KCNH7: variants seen among roughly 807,000 people sequenced by gnomAD.
KCNH7 encodes the protein potassium voltage-gated channel subfamily H member 7.
In KCNH7, 49 loss-of-function variants were observed where a neutral mutation model predicts 120.8. The ratio of observed to expected loss-of-function variants is 0.41; its 90% CI spans 0.32 to 0.51. The LOEUF is 0.51. Ranked by LOEUF, KCNH7 falls within the 20% of genes least tolerant of loss-of-function variation. The pLI, the probability that KCNH7 is intolerant of heterozygous loss-of-function variation, is 0.38. For missense variants in KCNH7, 1,097 were observed against 1,446.6 expected (o/e 0.76, Z 3.92); for synonymous variants, 547 against 516.1 (o/e 1.06, Z -0.81).
In KCNH7 at chr2:162,727,538, C is replaced by G. The variant is rs572201792; in HGVS notation, c.307+108999G>C. On this transcript the variant is annotated intron_variant, in intron 2 of 15. Coordinates refer to ENST00000332142, the MANE Select transcript of KCNH7 (RefSeq NM_033272.4). ...CGTTCATTGATGTACTTTGTTACTACAGTTTTACTTTTTAAAGAATTCCAT... is the reference window on the plus strand; with the variant it reads ...CGTTCATTGATGTACTTTGTTACTAGAGTTTTACTTTTTAAAGAATTCCAT... 2.1e-4 allele frequency among the ~76,000 whole-genome samples: 32 copies of G among 152,234 alleles called. No homozygotes were observed. The East Asian group carries it at 5.8e-3, about 28-fold the overall frequency.
intron 6 of KCNH7, among the ~76,000 whole-genome samples, chr2:162,470,301 G>T (rs1428832651): frequency 8.6e-5 from 13 of 151,694 alleles, no homozygotes; most frequent in Admixed American, 6.6e-4. Context: ...GAGATGTGGG[G>T]AGCGCCTCTG....
intron 2 of KCNH7, among the ~76,000 whole-genome samples, chr2:162,548,211 T>C (rs986961130): frequency 9.9e-5 from 15 of 152,208 alleles, no homozygotes; most frequent in Non-Finnish European, 1.2e-4. Flanking sequence ...TTTAGCATTG[T>C]CCAGCTTTAG....
chr2:162,620,733 G>A (rs1323909196), intron 2 of KCNH7, among the ~76,000 whole-genome samples: 1 of 152,044 alleles, frequency 6.6e-6, no homozygotes, highest in Non-Finnish European at 1.5e-5. Context: ...GTCAGTTCAG[G>A]TAGATAGAAA....
rs138739442 is a variant in KCNH7 at position 162,828,055 on chromosome 2, C to T, written c.307+8482G>A. Among the ~76,000 whole-genome samples, 30 of 152,124 alleles carry T rather than the reference C, an allele frequency of 2.0e-4. No homozygotes were observed. In the East Asian group the frequency reaches 5.4e-3, roughly 27 times the overall value. ...TGTACGGCTAAAGATCAAATGATTA[C>T]TATTATTATTAAAGAAAACAGATAG... On this transcript the variant is annotated intron_variant, in intron 2 of 15. Transcript: ENST00000332142.
chr2:162,558,273 C>G (rs1692929865), intron 2 of KCNH7, among the ~76,000 whole-genome samples: 1 of 151,658 alleles, frequency 6.6e-6, no homozygotes, highest in Admixed American at 6.6e-5. Flanking sequence ...CTCCTGGGTT[C>G]ACGCCATTCT....
rs66809770 is a variant in KCNH7, at chr2:162,820,033, C to CTTTTTT, written c.307+16498_307+16503dup. 2.4e-3 allele frequency among the ~76,000 whole-genome samples: 188 copies of CTTTTTT among 77,028 alleles called. 4 individuals carry two copies. Among genetic ancestry groups the CTTTTTT allele is most frequent in the Middle Eastern group, 0.01 (1 of 98 alleles). 50.5% of individuals were successfully genotyped at this position (77,028 alleles called of 152,430 possible). On this transcript the variant is annotated intron_variant, in intron 2 of 15. Coordinates refer to ENST00000332142, the MANE Select transcript of KCNH7 (RefSeq NM_033272.4). ...TTCGGGTATTTCTTTATTCCATAAA[C>CTTTTTT]TTTTTTTTTTTTTTTTTTTTTTTTG...
chr2:162,439,334 A>G (rs1429341167), intron 7 of KCNH7, among the ~76,000 whole-genome samples: 5 of 152,240 alleles, frequency 3.3e-5, no homozygotes, highest in African/African-American at 1.2e-4. Context: ...AGATGGCAAA[A>G]TGTGGTTATT....
chr2:162,621,431 A>T (rs187418771), intron 2 of KCNH7, among the ~76,000 whole-genome samples: 5 of 151,928 alleles, frequency 3.3e-5, no homozygotes, highest in African/African-American at 7.2e-5. Flanking sequence ...CCTGTGTTCC[A>T]ACATGGGGAA....
intron 6 of KCNH7, among the ~76,000 whole-genome samples, chr2:162,463,541 A>G (rs540260810): frequency 1.3e-5 from 2 of 152,084 alleles, no homozygotes; most frequent in South Asian, 4.1e-4. Context: ...AAACGACCCC[A>G]CATGCATTGC....
intron 2 of KCNH7, among the ~76,000 whole-genome samples, chr2:162,765,026 T>C (rs1682733007): frequency 6.6e-6 from 1 of 152,122 alleles, no homozygotes; most frequent in Non-Finnish European, 1.5e-5. Flanking sequence ...GACATGAATA[T>C]CTACACTGAC....
At chr2:162,492,529 A>C (rs1469517375) in intron 6 of KCNH7, among the ~76,000 whole-genome samples, 1 of 152,190 alleles carries the variant, frequency 6.6e-6, no homozygotes, top group Non-Finnish European at 1.5e-5. Context: ...CCCCTCCATG[A>C]ACAACTTCTA....
chr2:162,637,654 G>T (rs1003732506), intron 2 of KCNH7, among the ~76,000 whole-genome samples: 1 of 151,934 alleles, frequency 6.6e-6, no homozygotes, highest in African/African-American at 2.4e-5. Context: ...GCTTGATTTA[G>T]TCATTCCATG....
At chr2:162,760,909 C>T (rs1305683338) in intron 2 of KCNH7, among the ~76,000 whole-genome samples, 1 of 152,106 alleles carries the variant, frequency 6.6e-6, no homozygotes, top group Non-Finnish European at 1.5e-5. Flanking sequence ...TATTCTTTCA[C>T]TTATGAACAA....
At chr2:162,566,563 A>G (rs1452685994) in intron 2 of KCNH7, among the ~76,000 whole-genome samples, 1 of 152,108 alleles carries the variant, frequency 6.6e-6, no homozygotes, top group Non-Finnish European at 1.5e-5. Flanking sequence ...CATCTCATGT[A>G]GACAACATTT....
At position 162,752,922 on chromosome 2, in the gene KCNH7, A is replaced by T. The variant is rs1419524668; in HGVS notation, c.307+83615T>A. ...TCTCAGAAAAAGAAAAGAAAAGAAA[A>T]GAAAAGAAAAGAAAAGAAAAGAAAA... On this transcript the variant is annotated intron_variant, in intron 2 of 15. Transcript: ENST00000332142. 1.3e-3 allele frequency among the ~76,000 whole-genome samples: 90 copies of T among 69,408 alleles called. 1 individual carries two copies. The highest frequency in any genetic ancestry group is 1.6e-3 in the African/African-American group (18 of 10,970). 45.5% of individuals were successfully genotyped at this position (69,408 alleles called of 152,430 possible).
chr2:162,820,143 C>T (rs963402404), intron 2 of KCNH7, among the ~76,000 whole-genome samples: 1 of 148,560 alleles, frequency 6.7e-6, no homozygotes, highest in Non-Finnish European at 1.5e-5. Context: ...GGGTTCACGC[C>T]ATTCTCCTGC....
intron 2 of KCNH7, among the ~76,000 whole-genome samples, chr2:162,815,837 T>C (rs1346848445): frequency 6.6e-6 from 1 of 152,208 alleles, no homozygotes; most frequent in Admixed American, 6.5e-5. Flanking sequence ...AGTTCTGACA[T>C]CTAAATTTCA....
At chr2:162,722,891 A>C (rs982558053) in intron 2 of KCNH7, among the ~76,000 whole-genome samples, 3 of 117,602 alleles carry the variant, frequency 2.6e-5, no homozygotes, top group African/African-American at 1.1e-4. Flanking sequence ...TTTTTAACCT[A>C]ATCTAGTCTG....
At chr2:162,502,952 T>C (rs1317634711) in intron 6 of KCNH7, among the ~76,000 whole-genome samples, 5 of 152,090 alleles carry the variant, frequency 3.3e-5, no homozygotes, top group Non-Finnish European at 7.4e-5. Context: ...TTGTCAACTT[T>C]AAGAAATAAA....
Sources: allele counts gnomAD v4.1 joint callset (sites outside exome capture counted in the v4.1 genomes callset), GRCh38; gene constraint gnomAD v4.1.1; transcripts MANE v1.5; gene names NCBI Gene and HGNC (gene_info 2026-07-23, HGNC 2026-07-21).